SLC35F3: variants seen among roughly 807,000 people sequenced by gnomAD.
SLC35F3 encodes the protein solute carrier family 35 member F3.
Under a neutral mutation model 49.9 loss-of-function variants are expected in SLC35F3, and 25 were observed. That is an observed-to-expected ratio of 0.50 (90% CI 0.37 to 0.70). The LOEUF (loss-of-function observed/expected upper bound fraction) is 0.70. Among genes scored for constraint, SLC35F3 ranks in the 30% least tolerant of loss-of-function variants. The pLI is 0.00. For synonymous variants in SLC35F3, 275 were observed against 265.4 expected (o/e 1.04, Z -0.35); for missense variants, 525 against 639.8 (o/e 0.82, Z 1.94).
At chr1:234,074,748 G>A (rs1435906020) in intron 2 of SLC35F3, among the ~76,000 whole-genome samples, 2 of 152,220 alleles carry the variant, frequency 1.3e-5, no homozygotes, top group African/African-American at 2.4e-5. Flanking sequence ...GGAATTTGTG[G>A]GAACTGAGTG....
chr1:234,103,199 C>T (rs1055989475), intron 2 of SLC35F3, among the ~76,000 whole-genome samples: 1 of 152,170 alleles, frequency 6.6e-6, no homozygotes, highest in African/African-American at 2.4e-5. Flanking sequence ...GGTGCAGCTG[C>T]CTGGCTATGA....
intron 3 of SLC35F3, among the ~76,000 whole-genome samples, chr1:234,275,484 C>T (rs1053950028): frequency 1.3e-5 from 2 of 152,052 alleles, no homozygotes; most frequent in Non-Finnish European, 2.9e-5. Context: ...AACACAGATT[C>T]TTTTCTCAAT....
intron 2 of SLC35F3, among the ~76,000 whole-genome samples, chr1:234,165,805 A>G (rs1355368173): frequency 6.6e-6 from 1 of 152,058 alleles, no homozygotes; most frequent in Non-Finnish European, 1.5e-5. Flanking sequence ...TGTACCCCTC[A>G]CCCAAGTCGT....
intron 2 of SLC35F3, among the ~76,000 whole-genome samples, chr1:234,194,375 C>T (rs767389835): frequency 6.6e-6 from 1 of 152,122 alleles, no homozygotes; most frequent in South Asian, 2.1e-4. Context: ...TGTTCTCACT[C>T]ATAAGTGGGA....
chr1:233,908,959 G>A (rs1466549006), intron 2 of SLC35F3, among the ~76,000 whole-genome samples: 3 of 151,982 alleles, frequency 2.0e-5, no homozygotes, highest in African/African-American at 4.8e-5. Flanking sequence ...AGGTTCAAGC[G>A]ATTCTCCTAC....
At chr1:234,150,867 G>T (rs1172342516) in intron 2 of SLC35F3, among the ~76,000 whole-genome samples, 1 of 152,218 alleles carries the variant, frequency 6.6e-6, no homozygotes, top group African/African-American at 2.4e-5. Context: ...AGCAATGATG[G>T]ACCCAGTGTT....
intron 4 of SLC35F3, among the ~76,000 whole-genome samples, chr1:234,310,488 A>G (rs1657325626): frequency 6.6e-6 from 1 of 152,198 alleles, no homozygotes; most frequent in Admixed American, 6.5e-5. Context: ...TTTTGGAATA[A>G]AAACTCACTC....
intron 2 of SLC35F3, among the ~76,000 whole-genome samples, chr1:234,152,227 G>A (rs57644492): frequency 0.14 from 20,043 of 144,350 alleles, 2,845 homozygotes; most frequent in East Asian, 0.75. Flanking sequence ...TATTATTATT[G>A]TTATTATTAT....
chr1:234,210,412 A>G (rs139366968), intron 2 of SLC35F3, among the ~76,000 whole-genome samples: 1 of 152,336 alleles, frequency 6.6e-6, no homozygotes, highest in African/African-American at 2.4e-5. Context: ...TGGAGGGCTC[A>G]GAAGAAGATA....
intron 2 of SLC35F3, among the ~76,000 whole-genome samples, chr1:234,133,291 C>T (rs961833173): frequency 2.0e-5 from 3 of 152,090 alleles, no homozygotes; most frequent in Admixed American, 1.3e-4. Flanking sequence ...ATGAGAAAAA[C>T]AATGTAAGTT....
At chr1:234,068,685 A>C (rs890413696) in intron 2 of SLC35F3, among the ~76,000 whole-genome samples, 7 of 151,324 alleles carry the variant, frequency 4.6e-5, no homozygotes, top group Admixed American at 6.6e-5. Context: ...GTGTGTGTGC[A>C]TGTGTGCATG....
chr1:234,086,927 C>T (rs963464556), intron 2 of SLC35F3, among the ~76,000 whole-genome samples: 2 of 152,292 alleles, frequency 1.3e-5, no homozygotes, highest in South Asian at 4.1e-4. Context: ...TTCTGACAGG[C>T]GTTAGCAATT....
chr1:234,248,936 G>A (rs1267844113), intron 3 of SLC35F3, among the ~76,000 whole-genome samples: 1 of 152,170 alleles, frequency 6.6e-6, no homozygotes, highest in Non-Finnish European at 1.5e-5. Context: ...ACGTGTGAGG[G>A]ATCCTCCAGG....
At chr1:234,277,602 T>C (rs1270034770) in intron 3 of SLC35F3, among the ~76,000 whole-genome samples, 1 of 152,224 alleles carries the variant, frequency 6.6e-6, no homozygotes, top group African/African-American at 2.4e-5. Context: ...CAAAGTCTTA[T>C]GAAATGCTAA....
intron 2 of SLC35F3, among the ~76,000 whole-genome samples, chr1:234,087,338 G>T (rs1377744879): frequency 6.6e-6 from 1 of 152,200 alleles, no homozygotes; most frequent in Non-Finnish European, 1.5e-5. Context: ...TGGTGTATCT[G>T]TTAGGTGTGG....
At position 234,013,041 on chromosome 1, in the gene SLC35F3, C is replaced by G. The variant is rs142544228; in HGVS notation, c.283+107283C>G. 2.6e-4 allele frequency among the ~76,000 whole-genome samples: 39 copies of G among 152,284 alleles called. No homozygotes were observed. The East Asian group carries it at 7.3e-3, about 29-fold the overall frequency. On this transcript the variant is annotated intron_variant, in intron 2 of 7. Transcript: ENST00000366618. ...ACAGCATCGGAATACTCATTCTTCT[C>G]AAGCACACATGAAACATCCTCCAGG...
At chr1:234,293,896 G>A (rs1221315266) in intron 3 of SLC35F3, among the ~76,000 whole-genome samples, 1 of 152,214 alleles carries the variant, frequency 6.6e-6, no homozygotes, top group Non-Finnish European at 1.5e-5. Context: ...TTCAAAAGCT[G>A]TTGAATTGGG....
intron 2 of SLC35F3, among the ~76,000 whole-genome samples, chr1:234,101,556 G>C (rs536469296): frequency 1.3e-5 from 2 of 152,142 alleles, no homozygotes; most frequent in Non-Finnish European, 1.5e-5. Context: ...TTGGATTGTC[G>C]TGAGGATTAA....
intron 3 of SLC35F3, among the ~76,000 whole-genome samples, chr1:234,305,798 G>A (rs188189563): frequency 5.4e-4 from 82 of 152,222 alleles, no homozygotes; most frequent in African/African-American, 1.8e-3. Flanking sequence ...TAATTAAACC[G>A]TGTAATTGAA....
Sources: allele counts gnomAD v4.1 joint callset (sites outside exome capture counted in the v4.1 genomes callset), GRCh38; gene constraint gnomAD v4.1.1; transcripts MANE v1.5; gene names NCBI Gene and HGNC (gene_info 2026-07-23, HGNC 2026-07-21).